The following ROCK1 variants were observed in gnomAD, a reference collection of about 807,000 sequenced individuals.
ROCK1 encodes the protein Rho associated coiled-coil containing protein kinase 1, also known as rho-associated protein kinase 1.
Under a neutral mutation model 196.8 loss-of-function variants are expected in ROCK1, and 36 were observed. That is an observed-to-expected ratio of 0.18 (90% CI 0.14 to 0.24). ROCK1 has a LOEUF of 0.24. Among genes scored for constraint, ROCK1 ranks in the 10% least tolerant of loss-of-function variants. The pLI is 1.00. For synonymous variants in ROCK1, 443 were observed against 515.9 expected (o/e 0.86, Z 1.91); for missense variants, 920 against 1,562.0 (o/e 0.59, Z 6.93).
chr18:20,999,243 T>C (rs1187470927), intron 16 of ROCK1, among the ~76,000 whole-genome samples: 5 of 151,524 alleles, frequency 3.3e-5, no homozygotes, highest in African/African-American at 9.7e-5. Context: ...AAATAAAATA[T>C]AAAATTTACA....
At chr18:20,992,479 G>A (rs561928211) in intron 17 of ROCK1, among the ~76,000 whole-genome samples, 1 of 152,242 alleles carries the variant, frequency 6.6e-6, no homozygotes, top group African/African-American at 2.4e-5. Flanking sequence ...ACCACGTACT[G>A]ATCTGTTGTT....
intron 2 of ROCK1, among the ~76,000 whole-genome samples, chr18:21,057,068 C>CT (rs1476236691): frequency 3.9e-5 from 6 of 152,330 alleles, no homozygotes; most frequent in Admixed American, 3.9e-4. Context: ...ATTTTGACCT[C>CT]TTTGTTATTC....
chr18:21,010,035 G>T (rs1205113311), intron 13 of ROCK1, among the ~76,000 whole-genome samples: 14 of 151,948 alleles, frequency 9.2e-5, no homozygotes, highest in Non-Finnish European at 2.1e-4. Flanking sequence ...TACCTATATG[G>T]TCTATAGTAT....
At chr18:21,102,734 C>T (rs534171648) in intron 1 of ROCK1, among the ~76,000 whole-genome samples, 2 of 152,072 alleles carry the variant, frequency 1.3e-5, no homozygotes, top group East Asian at 1.9e-4. Flanking sequence ...GGCATGGTGG[C>T]GCTTGCCTGT....
intron 2 of ROCK1, among the ~76,000 whole-genome samples, chr18:21,059,368 AT>A (rs2036270003): frequency 6.6e-6 from 1 of 152,180 alleles, no homozygotes; most frequent in South Asian, 2.1e-4. Flanking sequence ...TCTCTGGGAC[AT>A]TATTTCCCTA....
At chr18:21,018,778 G>C (rs1478778064) in intron 12 of ROCK1, among the ~76,000 whole-genome samples, 1 of 152,052 alleles carries the variant, frequency 6.6e-6, no homozygotes, top group African/African-American at 2.4e-5. Context: ...CCCCCCACCT[G>C]CTCTGTCACA....
At chr18:21,019,717 G>C (rs987676844) in intron 12 of ROCK1, among the ~76,000 whole-genome samples, 3 of 151,526 alleles carry the variant, frequency 2.0e-5, no homozygotes, top group Admixed American at 6.6e-5. Flanking sequence ...AGAATGGCGT[G>C]AACCCGGGAG....
chr18:20,982,892 T>C, intron 20 of ROCK1, 60 bp from the exon 21 acceptor site: 1 of 737,540 alleles, frequency 1.4e-6, no homozygotes, highest in Non-Finnish European at 2.3e-6. Context: ...ACTTCATTTT[T>C]TCTTAGTTTG....
Position 21,040,858 on chromosome 18 carries a change from C to T in ROCK1, c.959+1239G>A, listed in dbSNP as rs189102793. Among the ~76,000 whole-genome samples the T allele has an allele frequency of 4.6e-5, 7 of 152,246 alleles. No homozygotes were observed. The East Asian group carries it at 5.8e-4, about 13-fold the overall frequency. ...TGTAAAAATTGGCCAGGTGCGGTGG[C>T]TCACACCTGTAATCCCAGCACTTTG... is the stretch of plus-strand genomic sequence containing the variant. On this transcript the variant is annotated intron_variant, in intron 8 of 32. Transcript: ENST00000399799.
intron 6 of ROCK1, among the ~76,000 whole-genome samples, chr18:21,043,244 A>ATTT (rs2143506100): frequency 6.6e-6 from 1 of 152,258 alleles, no homozygotes; most frequent in Non-Finnish European, 1.5e-5. Flanking sequence ...CTGACTGTAC[A>ATTT]AATACAAACT....
Position 21,111,245 on chromosome 18 carries a change from G to A in ROCK1, c.-335C>T. 1 of 488,640 alleles carries A rather than the reference G, an allele frequency of 2.0e-6. No individual in the cohort carries two copies. The highest frequency in any genetic ancestry group is 3.6e-6 in the Non-Finnish European group (1 of 279,148). 30.3% of individuals were successfully genotyped at this position (488,640 alleles called of 1,614,324 possible). A position where few individuals can be genotyped will look rare whatever the true frequency, so the allele number is the denominator to read the frequency against. ...GGGCCCCGGCCGCCGTCGCCATGGA[G>A]GGGTCCCCGTCCCGAGATGGGCAGG... On this transcript the variant is annotated 5_prime_UTR_variant, in exon 1 of 33. Coordinates refer to ENST00000399799, the MANE Select transcript of ROCK1 (RefSeq NM_005406.3). This position sits in a 1 kb window ranked among gnomAD's most constrained non-coding sequence, Gnocchi z 4.2.
At chr18:21,044,489 A>T (rs1218023970) in intron 5 of ROCK1, among the ~76,000 whole-genome samples, 1 of 152,182 alleles carries the variant, frequency 6.6e-6, no homozygotes, top group Non-Finnish European at 1.5e-5. Flanking sequence ...AAGGTGATTG[A>T]AACATATTAG....
chr18:21,015,770 G>A (rs915668681), intron 12 of ROCK1, among the ~76,000 whole-genome samples: 2 of 151,502 alleles, frequency 1.3e-5, no homozygotes, highest in Admixed American at 1.3e-4. Flanking sequence ...TCAGGAGTTC[G>A]AGACCAGCTT....
intron 8 of ROCK1, among the ~76,000 whole-genome samples, chr18:21,041,045 C>T (rs1252703339): frequency 2.6e-5 from 4 of 151,756 alleles, no homozygotes; most frequent in African/African-American, 7.3e-5. Context: ...CACTTGAATC[C>T]GGGAGGTGGA....
intron 2 of ROCK1, among the ~76,000 whole-genome samples, chr18:21,058,193 T>C (rs1665829303): frequency 6.6e-6 from 1 of 152,220 alleles, no homozygotes; most frequent in Non-Finnish European, 1.5e-5. Flanking sequence ...CAGTCATCTC[T>C]GAGTTTGGTG....
At position 20,951,317 on chromosome 18, in the gene ROCK1, A is replaced by G. The variant is rs2035184949; in HGVS notation, c.*67T>C. The G allele has an allele frequency of 3.4e-6, 5 of 1,475,788 alleles. No individual in the cohort carries two copies. The highest frequency in any genetic ancestry group is 4.7e-6 in the Non-Finnish European group (5 of 1,071,632). 91.4% of individuals were successfully genotyped at this position (1,475,788 alleles called of 1,614,324 possible). On this transcript the variant is annotated 3_prime_UTR_variant, in exon 33 of 33. Coordinates refer to ENST00000399799, the MANE Select transcript of ROCK1 (RefSeq NM_005406.3). ...CAAAGAAACAGCCTGTCTGCTCTGCATGGTTAAAGAAGCCTGGTTTATCAG... is the reference window on the plus strand; with the variant it reads ...CAAAGAAACAGCCTGTCTGCTCTGCGTGGTTAAAGAAGCCTGGTTTATCAG...
At chr18:21,052,292 T>G (rs1317153203) in intron 2 of ROCK1, among the ~76,000 whole-genome samples, 2 of 152,192 alleles carry the variant, frequency 1.3e-5, no homozygotes, top group Non-Finnish European at 2.9e-5. Flanking sequence ...GGGTCCAACC[T>G]AGAACTAATA....
At chr18:21,077,226 G>A (rs2036440979) in intron 1 of ROCK1, among the ~76,000 whole-genome samples, 1 of 152,020 alleles carries the variant, frequency 6.6e-6, no homozygotes, top group Admixed American at 6.6e-5. Context: ...ACCCGCCTCG[G>A]CCTCCCAAAG....
At chr18:21,038,910 A>G (rs536954139) in intron 9 of ROCK1, among the ~76,000 whole-genome samples, 1 of 152,210 alleles carries the variant, frequency 6.6e-6, no homozygotes, top group South Asian at 2.1e-4. Context: ...TTTTTTAAAA[A>G]GTAAGAAAGT....
Sources: gnomAD v4.1 joint callset for allele counts (sites outside exome capture counted in the v4.1 genomes callset) on GRCh38, gnomAD v4.1.1 for gene constraint, Gnocchi (gnomAD v3.1) non-coding constraint, MANE v1.5 for transcripts, NCBI Gene and HGNC (gene_info 2026-07-23, HGNC 2026-07-21) for gene names.